The following REC114 variants were observed in gnomAD, a reference collection of about 807,000 sequenced individuals.
The protein encoded by REC114 is REC114 meiotic recombination protein, also known as meiotic recombination protein REC114.
REC114 carries 27 observed loss-of-function variants against 31.3 expected under a neutral mutation model. That is an observed-to-expected ratio of 0.86 (90% CI 0.64 to 1.19). The LOEUF (loss-of-function observed/expected upper bound fraction) is 1.19. REC114 is among the 50% of genes most tolerant of loss of function. The pLI is 0.00. For missense variants in REC114, 344 were observed against 326.9 expected (o/e 1.05, Z -0.40); for synonymous variants, 134 against 127.7 (o/e 1.05, Z -0.33).
At chr15:73,495,508 T>TAAAA (rs80177107) in intron 2 of REC114, among the ~76,000 whole-genome samples, 1 of 130,702 alleles carries the variant, frequency 7.7e-6, no homozygotes, top group Non-Finnish European at 1.7e-5. Flanking sequence ...CTGCCAGTCT[T>TAAAA]AAAAAAAAAA....
chr15:73,519,953 A>G (rs1893912594), intron 2 of REC114, among the ~76,000 whole-genome samples: 1 of 152,218 alleles, frequency 6.6e-6, no homozygotes, highest in Non-Finnish European at 1.5e-5. Flanking sequence ...GAACAGTCAT[A>G]CTAGGGGCTG....
chr15:73,516,742 C>T lies in REC114; in HGVS notation c.250-23743C>T, dbSNP rs552537893. Among the ~76,000 whole-genome samples, 497 of 152,296 alleles carry T rather than the reference C, an allele frequency of 3.3e-3. 2 individuals carry two copies. Among genetic ancestry groups the T allele is most frequent in the African/African-American group, 0.01 (436 of 41,568 alleles). On this transcript the variant is annotated intron_variant, in intron 2 of 5. Transcript: ENST00000331090. Reference sequence around the variant, plus strand: ...TCCTGGGTTCAAGCAATTCTCCCGCCTCAGCCTCCCGAGTAGCTGAGATTA... The same window carrying T: ...TCCTGGGTTCAAGCAATTCTCCCGCTTCAGCCTCCCGAGTAGCTGAGATTA...
intron 2 of REC114, among the ~76,000 whole-genome samples, chr15:73,490,629 A>C (rs1359011412): frequency 6.6e-6 from 1 of 152,178 alleles, no homozygotes; most frequent in Non-Finnish European, 1.5e-5. Context: ...TGGGAGATGG[A>C]GGCTGCAGTG....
At position 73,559,989 on chromosome 15, in the gene REC114, A is replaced by G; in HGVS notation, c.*73A>G. On this transcript the variant is annotated 3_prime_UTR_variant, in exon 6 of 6. Transcript: ENST00000331090. ...GCTTCCTCCTAAAATTAAAGAAGAT[A>G]TTAGAATAAAGAGTATTATCCAAAC... The G allele has an allele frequency of 2.9e-6, 4 of 1,378,640 alleles. No individual in the cohort carries two copies. The highest frequency in any genetic ancestry group is 3.9e-6 in the Non-Finnish European group (4 of 1,016,052). The allele number at this position is 1,378,640 out of a possible 1,614,324, so 85.4% of individuals were successfully genotyped here. A position where few individuals can be genotyped will look rare whatever the true frequency, so the allele number is the denominator to read the frequency against.
At chr15:73,523,179 TAAAAG>T (rs1036976667) in intron 2 of REC114, among the ~76,000 whole-genome samples, 1 of 152,074 alleles carries the variant, frequency 6.6e-6, no homozygotes, top group African/African-American at 2.4e-5. Flanking sequence ...AGATATGTGA[TAAAAG>T]AAAAACTTCA....
At chr15:73,452,372 C>T (rs568750936) in intron 1 of REC114, among the ~76,000 whole-genome samples, 1 of 152,298 alleles carries the variant, frequency 6.6e-6, no homozygotes, top group African/African-American at 2.4e-5. Context: ...CATGAGTGAA[C>T]TCCCATTCAG....
At chr15:73,454,280 A>G (rs74783803) in intron 1 of REC114, among the ~76,000 whole-genome samples, 3,843 of 152,226 alleles carry the variant, frequency 0.025, 97 homozygotes, top group African/African-American at 0.06. Context: ...TGATGCTGCA[A>G]AATGAAGAAA....
At chr15:73,532,230 C>T (rs1406766596) in intron 2 of REC114, among the ~76,000 whole-genome samples, 2 of 149,990 alleles carry the variant, frequency 1.3e-5, no homozygotes, top group South Asian at 2.1e-4. Context: ...TGAGAATATG[C>T]GGTGTTTGGT....
chr15:73,507,052 G>GA (rs1226988125), intron 2 of REC114, among the ~76,000 whole-genome samples: 2 of 152,062 alleles, frequency 1.3e-5, no homozygotes, highest in African/African-American at 2.4e-5. Flanking sequence ...TTTCTGCATG[G>GA]AAAAAATACC....
intron 3 of REC114, among the ~76,000 whole-genome samples, chr15:73,544,415 C>T (rs1018871190): frequency 1.3e-5 from 2 of 152,032 alleles, no homozygotes; most frequent in South Asian, 2.1e-4. Context: ...AATTTTCATT[C>T]CTTTTATAGC....
At chr15:73,495,038 TAA>T (rs1893499445) in intron 2 of REC114, among the ~76,000 whole-genome samples, 1 of 152,218 alleles carries the variant, frequency 6.6e-6, no homozygotes, top group Non-Finnish European at 1.5e-5. Flanking sequence ...CGACAATTTT[TAA>T]AAGAGATTCT....
chr15:73,546,416 T>C (rs887828644), intron 3 of REC114, among the ~76,000 whole-genome samples: 4 of 152,096 alleles, frequency 2.6e-5, no homozygotes, highest in African/African-American at 9.7e-5. Context: ...TGTTAAAGCT[T>C]TGTGGTTTAT....
intron 2 of REC114, among the ~76,000 whole-genome samples, chr15:73,492,995 CTTCTT>C (rs1320794152): frequency 6.6e-6 from 1 of 151,350 alleles, no homozygotes; most frequent in East Asian, 1.9e-4. Flanking sequence ...TTTTTTTACT[CTTCTT>C]TATTTTTTTT....
intron 2 of REC114, among the ~76,000 whole-genome samples, chr15:73,491,902 G>GAA (rs34716056): frequency 1.4e-5 from 2 of 143,432 alleles, no homozygotes; most frequent in African/African-American, 2.6e-5. Flanking sequence ...TCTGTCTCAA[G>GAA]AAAAAAAAAA....
At chr15:73,482,705 G>A (rs979869088) in intron 2 of REC114, among the ~76,000 whole-genome samples, 4 of 151,944 alleles carry the variant, frequency 2.6e-5, no homozygotes, top group African/African-American at 9.7e-5. Flanking sequence ...TTCTACTATA[G>A]GTATATACTA....
intron 2 of REC114, among the ~76,000 whole-genome samples, chr15:73,490,867 T>G (rs1208067878): frequency 6.6e-6 from 1 of 152,184 alleles, no homozygotes; most frequent in Non-Finnish European, 1.5e-5. Flanking sequence ...AGAGAACTAC[T>G]TTCTGTCTGC....
intron 2 of REC114, among the ~76,000 whole-genome samples, chr15:73,508,211 AATAG>A (rs914512755): frequency 2.6e-5 from 4 of 152,164 alleles, no homozygotes; most frequent in Non-Finnish European, 2.9e-5. Context: ...GAATAGAGTA[AATAG>A]ATAGTAATCA....
chr15:73,471,570 G>A (rs572622222), intron 1 of REC114, among the ~76,000 whole-genome samples: 1 of 152,140 alleles, frequency 6.6e-6, no homozygotes, highest in South Asian at 2.1e-4. Context: ...ATGTTGATTG[G>A]GTGATTAAAT....
intron 2 of REC114, among the ~76,000 whole-genome samples, chr15:73,529,123 A>T (rs112666289): frequency 0.015 from 2,249 of 151,366 alleles, 62 homozygotes; most frequent in African/African-American, 0.049. Context: ...TTTTATTTTT[A>T]TTATTTATTT....
Sources: gnomAD v4.1 joint callset for allele counts (sites outside exome capture counted in the v4.1 genomes callset) on GRCh38, gnomAD v4.1.1 for gene constraint, MANE v1.5 for transcripts, NCBI Gene and HGNC (gene_info 2026-07-23, HGNC 2026-07-21) for gene names.